Variants in DDC observed in about 807,000 individuals in gnomAD.
DDC encodes aromatic-L-amino-acid decarboxylase.
In DDC, 43 loss-of-function variants were observed where a neutral mutation model predicts 60.0. That is an observed-to-expected ratio of 0.72 (90% confidence interval 0.56 to 0.92). The LOEUF (loss-of-function observed/expected upper bound fraction) is 0.92. DDC is among the 40% of genes least tolerant of loss of function. The probability of loss-of-function intolerance (pLI) is 0.00; values close to 1 mark genes in which losing one functional copy is unlikely to be tolerated. For missense variants in DDC, 573 were observed against 620.2 expected, an observed-to-expected ratio of 0.92 and a Z score of 0.81; for synonymous variants, 232 against 234.6, an observed-to-expected ratio of 0.99 and a Z score of 0.10.
intron 14 of DDC, 119 bp from the exon 15 acceptor site, chr7:50,458,962 CG>C (rs1369070430): frequency 2.0e-5 from 3 of 151,106 alleles, no homozygotes; most frequent in African/African-American, 7.4e-5. Flanking sequence ...CCTCTCCCCA[CG>C]GTCTCCCTCT....
chr7:50,463,154 G>A, intron 14 of DDC, 59 bp downstream of exon 14: 1 of 1,407,050 alleles, frequency 7.1e-7, no homozygotes, highest in East Asian at 2.5e-5. Context: ...TGGACTCCAG[G>A]AGGACACTCT....
intron 4 of DDC, among the ~76,000 whole-genome samples, chr7:50,530,517 A>G (rs2044170442): frequency 6.6e-6 from 1 of 152,200 alleles, no homozygotes; most frequent in African/African-American, 2.4e-5. Flanking sequence ...AGGGCCTGCT[A>G]TGTTATCCCA....
chr7:50,471,338 C>T (rs149984502), intron 11 of DDC, among the ~76,000 whole-genome samples: 2,432 of 152,244 alleles, frequency 0.016, 53 homozygotes, highest in Admixed American at 0.045. Context: ...CAAGATGGCG[C>T]TATTGCACTC....
At chr7:50,555,164 T>C (rs960407428) in intron 1 of DDC, among the ~76,000 whole-genome samples, 1 of 152,106 alleles carries the variant, frequency 6.6e-6, no homozygotes, top group Non-Finnish European at 1.5e-5. Context: ...GCTGAGCCAG[T>C]GTCACGGGGA....
chr7:50,458,684 C>A lies in DDC; in HGVS notation c.*178G>T, dbSNP rs1456444312. On this transcript the variant is annotated 3_prime_UTR_variant, in exon 15 of 15. Coordinates refer to ENST00000444124, the MANE Select transcript of DDC (RefSeq NM_001082971.2). ...ACTTTTTAATTAGCAAATAATATTT[C>A]TTTGTTGATGAGATACTAAGCAGAC... The A allele has an allele frequency of 6.6e-6, 1 of 152,150 alleles. No homozygotes were observed. The highest frequency in any genetic ancestry group is 2.4e-5 in the African/African-American group (1 of 41,426). The allele number at this position is 152,150 out of a possible 1,614,324, so 9.4% of individuals were successfully genotyped here. A position where few individuals can be genotyped will look rare whatever the true frequency, so the allele number is the denominator to read the frequency against.
chr7:50,475,545 T>C (rs1362252711), intron 11 of DDC, among the ~76,000 whole-genome samples: 1 of 152,132 alleles, frequency 6.6e-6, no homozygotes, highest in Non-Finnish European at 1.5e-5. Context: ...AAGCTACCCA[T>C]GCCTTTGAGG....
At chr7:50,500,760 T>C (rs550312573) in intron 7 of DDC, among the ~76,000 whole-genome samples, 1 of 152,244 alleles carries the variant, frequency 6.6e-6, no homozygotes, top group Non-Finnish European at 1.5e-5. Context: ...ACTGAGGGCT[T>C]TCATCCTGAT....
chr7:50,464,058 C>T (rs2042343023), intron 13 of DDC, among the ~76,000 whole-genome samples: 1 of 152,004 alleles, frequency 6.6e-6, no homozygotes. Flanking sequence ...AGCAGCCGGT[C>T]TTCTGACACT....
At chr7:50,498,815 G>A (rs1031837256) in intron 8 of DDC, among the ~76,000 whole-genome samples, 10 of 152,008 alleles carry the variant, frequency 6.6e-5, no homozygotes, top group African/African-American at 2.4e-4. Flanking sequence ...ATTGCGGGTT[G>A]GTATTTTAAA....
At chr7:50,554,736 T>C (rs2045124472) in intron 1 of DDC, among the ~76,000 whole-genome samples, 1 of 152,166 alleles carries the variant, frequency 6.6e-6, no homozygotes, top group Admixed American at 6.5e-5. Flanking sequence ...TCAAAGCCAA[T>C]TATTCTACAT....
intron 11 of DDC, among the ~76,000 whole-genome samples, chr7:50,475,089 T>C (rs2042612287): frequency 6.6e-6 from 1 of 152,106 alleles, no homozygotes; most frequent in Non-Finnish European, 1.5e-5. Context: ...GGAGAAGGTA[T>C]TGCAATTTTA....
intron 8 of DDC, among the ~76,000 whole-genome samples, chr7:50,498,764 T>A (rs1391977425): frequency 6.6e-6 from 1 of 152,246 alleles, no homozygotes; most frequent in Admixed American, 6.5e-5. Context: ...TTCAGATGTA[T>A]GGGCAGAACA....
intron 1 of DDC, among the ~76,000 whole-genome samples, chr7:50,545,199 A>G (rs932431471): frequency 1.3e-5 from 2 of 152,244 alleles, no homozygotes; most frequent in African/African-American, 4.8e-5. Flanking sequence ...AGCTGGGAAC[A>G]TACGCATCGG....
At chr7:50,516,888 G>C (rs1325013643) in intron 6 of DDC, among the ~76,000 whole-genome samples, 1 of 151,622 alleles carries the variant, frequency 6.6e-6, no homozygotes, top group Non-Finnish European at 1.5e-5. Context: ...GGAAGAATTA[G>C]ATACCCTCAA....
At chr7:50,513,336 G>A (rs1303733980) in intron 6 of DDC, among the ~76,000 whole-genome samples, 1 of 152,196 alleles carries the variant, frequency 6.6e-6, no homozygotes, top group Non-Finnish European at 1.5e-5. Context: ...GGAACTCACT[G>A]GGTTCCCAAG....
rs2043195305 is a variant in DDC, at chr7:50,499,244, T to A, written c.782-2A>T. ...GCAGCCATATGTCTTCCTTGTTGCC[T>A]AAAGTTCAGAATCAACTTGTGAGTC... On this transcript the variant is annotated splice_acceptor_variant, in intron 7 of 14. Coordinates refer to ENST00000444124, the MANE Select transcript of DDC (RefSeq NM_001082971.2). LOFTEE classifies it high-confidence loss of function. 1 of 1,610,714 alleles carries A rather than the reference T, an allele frequency of 6.2e-7. No homozygotes were observed. Among genetic ancestry groups the A allele is most frequent in the Non-Finnish European group, 8.5e-7 (1 of 1,178,268 alleles).
At chr7:50,475,446 A>T (rs1035169171) in intron 11 of DDC, among the ~76,000 whole-genome samples, 4 of 146,384 alleles carry the variant, frequency 2.7e-5, no homozygotes, top group Non-Finnish European at 6.0e-5. Flanking sequence ...AAACTTTGCC[A>T]AAACTGTCCT....
chr7:50,497,912 C>A (rs1007702), intron 8 of DDC, among the ~76,000 whole-genome samples: 2,929 of 152,162 alleles, frequency 0.019, 167 homozygotes, highest in Admixed American at 0.12. Context: ...TATTCTATAC[C>A]TCTGGTACCC....
chr7:50,484,221 G>A (rs2042832058), intron 9 of DDC, among the ~76,000 whole-genome samples: 1 of 152,138 alleles, frequency 6.6e-6, no homozygotes, highest in Admixed American at 6.5e-5. Context: ...AATTAGGCAG[G>A]CCAACTACCA....
Sources: allele counts gnomAD v4.1 joint callset (sites outside exome capture counted in the v4.1 genomes callset), GRCh38; gene constraint gnomAD v4.1.1; transcripts MANE v1.5; gene names NCBI Gene and HGNC (gene_info 2026-07-23, HGNC 2026-07-21).